Variants in BICC1 observed in about 807,000 individuals in gnomAD.
BICC1 encodes BicC family RNA binding protein 1, also known as protein bicaudal C homolog 1.
In BICC1, 43 loss-of-function variants were observed where a neutral mutation model predicts 111.0. That is an observed-to-expected ratio of 0.39 (90% CI 0.30 to 0.50). BICC1 has a LOEUF of 0.50. Among genes scored for constraint, BICC1 ranks in the 20% least tolerant of loss-of-function variants. The pLI is 0.88. For synonymous variants in BICC1, 467 were observed against 434.4 expected, an observed-to-expected ratio of 1.07 and a Z score of -0.93; for missense variants, 1,091 against 1,203.2, an observed-to-expected ratio of 0.91 and a Z score of 1.38.
rs182110293 is a variant in BICC1 at position 58,547,722 on chromosome 10, C to G, written c.190+34389C>G. Among the ~76,000 whole-genome samples, 12 of 152,166 alleles carry G rather than the reference C, an allele frequency of 7.9e-5. No homozygotes were observed. The East Asian group carries it at 2.3e-3, about 29-fold the overall frequency. ...TTTATTTTATACTTTGGATTATAATCTAATACTTGTTTATTTCATTGATCA... is the reference window on the plus strand; with the variant it reads ...TTTATTTTATACTTTGGATTATAATGTAATACTTGTTTATTTCATTGATCA... On this transcript the variant is annotated intron_variant, in intron 1 of 20. Transcript: ENST00000373886.
At chr10:58,597,683 A>T (rs541976308) in intron 1 of BICC1, among the ~76,000 whole-genome samples, 2 of 151,632 alleles carry the variant, frequency 1.3e-5, no homozygotes, top group South Asian at 4.2e-4. Flanking sequence ...CCGATTATTG[A>T]CCTCCCCCCA....
rs763759443 is a variant in BICC1 at position 58,755,680 on chromosome 10, CTTTT to C, written c.308-29319_308-29316del. Among the ~76,000 whole-genome samples the C allele has an allele frequency of 6.9e-4, 104 of 151,688 alleles. No individual in the cohort carries two copies. The Middle Eastern group carries it at 0.01, about 15-fold the overall frequency. ...TTCCTGTCTTGTATTTTTTTTTCTC[CTTTT>C]TATTTTTTTTTTCTTTTTGGCCTAA... On this transcript the variant is annotated intron_variant, in intron 3 of 20. Transcript: ENST00000373886.
Position 58,760,781 on chromosome 10 carries a change from TTTTCTA to T in BICC1, c.308-24219_308-24214del, listed in dbSNP as rs1842291879. On this transcript the variant is annotated intron_variant, in intron 3 of 20. Coordinates refer to ENST00000373886, the MANE Select transcript of BICC1 (RefSeq NM_001080512.3). ...TTTACAAATGGATCTGAAGCTGGCT[TTTTCTA>T]ATGGGAGGAGGAATGTAAATTGAAC... 2.6e-5 allele frequency among the ~76,000 whole-genome samples: 4 copies of T among 152,156 alleles called. No individual in the cohort carries two copies. In the South Asian group the frequency reaches 8.3e-4, roughly 32 times the overall value.
chr10:58,540,059 GA>G (rs1320003098), intron 1 of BICC1, among the ~76,000 whole-genome samples: 2 of 151,868 alleles, frequency 1.3e-5, no homozygotes, highest in African/African-American at 4.8e-5. Context: ...TGGGAAATTA[GA>G]AAATATATTG....
intron 3 of BICC1, among the ~76,000 whole-genome samples, chr10:58,711,050 A>G (rs1840557502): frequency 6.6e-6 from 1 of 152,048 alleles, no homozygotes; most frequent in African/African-American, 2.4e-5. Context: ...GTCTCGCTGC[A>G]TTACCCAGGC....
At chr10:58,554,739 A>G (rs921925771) in intron 1 of BICC1, among the ~76,000 whole-genome samples, 31 of 151,770 alleles carry the variant, frequency 2.0e-4, no homozygotes, top group African/African-American at 6.5e-4. Context: ...AAACAATGTG[A>G]TATCAATGTT....
At chr10:58,525,836 T>A (rs1386546379) in intron 1 of BICC1, among the ~76,000 whole-genome samples, 1 of 152,074 alleles carries the variant, frequency 6.6e-6, no homozygotes, top group Non-Finnish European at 1.5e-5. Flanking sequence ...GTTGCTGGTA[T>A]AGTATTTACT....
intron 1 of BICC1, among the ~76,000 whole-genome samples, chr10:58,518,014 G>GGGA (rs1267242912): frequency 3.3e-5 from 5 of 152,122 alleles, no homozygotes; most frequent in African/African-American, 1.2e-4. Flanking sequence ...CTCCCTGGTA[G>GGGA]CTTGCCATGT....
chr10:58,789,901 G>A lies in BICC1; in HGVS notation c.1015G>A (p.Glu339Lys). 1 of 1,614,126 alleles carries A rather than the reference G, an allele frequency of 6.2e-7. No homozygotes were observed. Among genetic ancestry groups the A allele is most frequent in the South Asian group, 1.1e-5 (1 of 91,082 alleles). Residue 339 changes from glutamate to lysine, a missense_variant, in exon 8 of 21, where the codon GAG becomes AAG. By Grantham distance (56) the Glu-to-Lys change is moderately conservative. Around this residue, in one of 3 missense-constraint regions of BICC1, gnomAD observed 843 missense variants for 900.8 expected, o/e 0.94. Transcript: ENST00000373886. ...TACCGTCTACCTCCAGGGCACCATT[G>A]AGTCTGTCTGTCTTGCAAGGCAATA... Reference protein sequence around the residue: ...KSTVYLQGTIESVCLARQYLM... With the variant: ...KSTVYLQGTIKSVCLARQYLM...
intron 1 of BICC1, among the ~76,000 whole-genome samples, chr10:58,527,451 T>G (rs1325400596): frequency 6.6e-6 from 1 of 152,346 alleles, no homozygotes; most frequent in East Asian, 1.9e-4. Flanking sequence ...CAAATTTGGC[T>G]TTTGTTGCCA....
At chr10:58,772,321 T>C (rs1279185568) in intron 3 of BICC1, among the ~76,000 whole-genome samples, 1 of 152,178 alleles carries the variant, frequency 6.6e-6, no homozygotes, top group Non-Finnish European at 1.5e-5. Context: ...AACAATTAGA[T>C]TCAGTTGTGG....
intron 17 of BICC1, among the ~76,000 whole-genome samples, chr10:58,811,607 T>A (rs537877205): frequency 2.8e-4 from 42 of 152,286 alleles, no homozygotes; most frequent in African/African-American, 9.6e-4. Context: ...CCTTATGTGT[T>A]CCAGACACAA....
chr10:58,605,725 A>G (rs1845188782), intron 1 of BICC1, among the ~76,000 whole-genome samples: 1 of 152,236 alleles, frequency 6.6e-6, no homozygotes, highest in African/African-American at 2.4e-5. Context: ...AATAATGTCA[A>G]AAAAGGCTGT....
intron 2 of BICC1, among the ~76,000 whole-genome samples, chr10:58,660,404 A>G (rs1055029678): frequency 7.1e-5 from 10 of 140,666 alleles, no homozygotes; most frequent in Non-Finnish European, 1.5e-4. Context: ...ATAATGAGAG[A>G]TTTCAGGATT....
intron 1 of BICC1, among the ~76,000 whole-genome samples, chr10:58,609,970 C>A (rs1845363857): frequency 6.6e-6 from 1 of 152,172 alleles, no homozygotes; most frequent in Non-Finnish European, 1.5e-5. Context: ...GAAATAGTGT[C>A]TGAAAGCAAG....
At chr10:58,597,254 C>T (rs1277372103) in intron 1 of BICC1, among the ~76,000 whole-genome samples, 1 of 151,992 alleles carries the variant, frequency 6.6e-6, no homozygotes, top group African/African-American at 2.4e-5. Flanking sequence ...CTCAGACCAG[C>T]AAGTTTTTAT....
At chr10:58,673,688 C>T (rs1172218183) in intron 2 of BICC1, among the ~76,000 whole-genome samples, 1 of 151,994 alleles carries the variant, frequency 6.6e-6, no homozygotes, top group African/African-American at 2.4e-5. Flanking sequence ...GTGGCACGAT[C>T]TTAGCTCACT....
intron 2 of BICC1, among the ~76,000 whole-genome samples, chr10:58,678,637 A>C (rs113598065): frequency 9.2e-5 from 14 of 152,260 alleles, no homozygotes; most frequent in African/African-American, 3.1e-4. Context: ...CGAGATAGAA[A>C]ATTAACAAGG....
intron 3 of BICC1, among the ~76,000 whole-genome samples, chr10:58,742,763 C>G (rs900577840): frequency 3.3e-5 from 5 of 152,088 alleles, no homozygotes; most frequent in African/African-American, 4.8e-5. Flanking sequence ...AACTGTGTGT[C>G]AACAGCTTTG....
Sources: allele counts gnomAD v4.1 joint callset (sites outside exome capture counted in the v4.1 genomes callset), GRCh38; gene constraint gnomAD v4.1.1; regional missense constraint gnomAD v4.1.1; transcripts MANE v1.5; gene names NCBI Gene and HGNC (gene_info 2026-07-23, HGNC 2026-07-21).